USO1: variants seen among roughly 807,000 people sequenced by gnomAD.
USO1 encodes the protein general vesicular transport factor p115.
In USO1, 57 loss-of-function variants were observed where a neutral mutation model predicts 124.5. The ratio of observed to expected loss-of-function variants is 0.46; its 90% CI spans 0.37 to 0.57. USO1 has a LOEUF of 0.57. USO1 is among the 20% of genes least tolerant of loss of function. The pLI is 0.00. For missense variants in USO1, 900 were observed against 1,040.6 expected (o/e 0.86, Z 1.86); for synonymous variants, 369 against 362.8 (o/e 1.02, Z -0.19).
intron 17 of USO1, among the ~76,000 whole-genome samples, chr4:75,802,736 C>CTTTTTTTTTTTTT (rs997798305): frequency 2.8e-4 from 18 of 63,732 alleles, no homozygotes; most frequent in African/African-American, 7.9e-4. Flanking sequence ...TTTTTCTTTT[C>CTTTTTTTTTTTTT]TTTTTTTTTT....
At chr4:75,768,745 G>C (rs1332012088) in intron 4 of USO1, among the ~76,000 whole-genome samples, 1 of 152,174 alleles carries the variant, frequency 6.6e-6, no homozygotes, top group Non-Finnish European at 1.5e-5. Flanking sequence ...TCACCATTAA[G>C]TATGATGTTA....
chr4:75,743,550 A>C (rs1181862146), intron 1 of USO1, among the ~76,000 whole-genome samples: 1 of 151,974 alleles, frequency 6.6e-6, no homozygotes, highest in South Asian at 2.1e-4. Context: ...TCTCTTTGCC[A>C]TTATAGTTTC....
In USO1 at chr4:75,794,202, CT is replaced by C. The variant is rs534437533; in HGVS notation, c.1452+304del. On this transcript the variant is annotated intron_variant, in intron 13 of 23. Coordinates refer to ENST00000514213, the MANE Select transcript of USO1 (RefSeq NM_003715.4). ...CAGTGTTCTTGCATGTCATTTTTCT[CT>C]TTCTTCTCAGTAACTGAATTCAGGT... 1.1e-4 allele frequency among the ~76,000 whole-genome samples: 17 copies of C among 152,110 alleles called. No individual in the cohort carries two copies. In the East Asian group the frequency reaches 3.3e-3, roughly 29 times the overall value.
chr4:75,753,405 A>G (rs1721343838), intron 3 of USO1, among the ~76,000 whole-genome samples: 1 of 152,072 alleles, frequency 6.6e-6, no homozygotes, highest in Non-Finnish European at 1.5e-5. Context: ...CTGGTGGTGC[A>G]TGCCTGTAAT....
chr4:75,801,029 A>G (rs757789630), intron 16 of USO1, 50 bp from the exon 17 acceptor site: 22 of 1,449,980 alleles, frequency 1.5e-5, no homozygotes, highest in Non-Finnish European at 2.0e-5. Context: ...TAGTAGTAAA[A>G]TAGTATTTAA....
At chr4:75,756,359 T>C (rs1721442787) in intron 3 of USO1, among the ~76,000 whole-genome samples, 1 of 152,006 alleles carries the variant, frequency 6.6e-6, no homozygotes, top group Non-Finnish European at 1.5e-5. Context: ...TTATACATAC[T>C]TATAATCTTC....
At chr4:75,731,687 G>A (rs1720636830) in intron 1 of USO1, among the ~76,000 whole-genome samples, 2 of 152,118 alleles carry the variant, frequency 1.3e-5, no homozygotes, top group Non-Finnish European at 1.5e-5. Flanking sequence ...GTTTTAGGAA[G>A]GTACAACTAT....
intron 1 of USO1, among the ~76,000 whole-genome samples, chr4:75,742,506 T>C (rs1050580382): frequency 3.3e-5 from 5 of 152,250 alleles, no homozygotes; most frequent in African/African-American, 9.6e-5. Flanking sequence ...TGTTAACACT[T>C]TTCTATTCTG....
chr4:75,797,120 G>A (rs1478333764), intron 13 of USO1, among the ~76,000 whole-genome samples: 1 of 152,012 alleles, frequency 6.6e-6, no homozygotes, highest in Admixed American at 6.5e-5. Context: ...GCTGCAGTGA[G>A]CTATGATTGC....
intron 1 of USO1, chr4:75,725,099 C>A (rs576618431): frequency 1.0e-5 from 6 of 595,856 alleles, no homozygotes; most frequent in African/African-American, 9.5e-5. Context: ...GCCGGACTGA[C>A]GGCGGCCGCG....
Position 75,804,279 on chromosome 4 carries a change from A to G in USO1, c.2125+7A>G. On this transcript the variant is annotated splice_region_variant and intron_variant, in intron 18 of 23. Transcript: ENST00000514213. Reference sequence around the variant, plus strand: ...CTTCTTAAAATACAGCTAGGTAAGCATAGCTAAGCCATCACTATGATAGCA... The same window carrying G: ...CTTCTTAAAATACAGCTAGGTAAGCGTAGCTAAGCCATCACTATGATAGCA... The G allele has an allele frequency of 6.2e-7, 1 of 1,608,672 alleles. No individual in the cohort carries two copies. Among genetic ancestry groups the G allele is most frequent in the Non-Finnish European group, 8.5e-7 (1 of 1,177,478 alleles).
intron 13 of USO1, among the ~76,000 whole-genome samples, chr4:75,796,234 C>T (rs1234915151): frequency 6.6e-6 from 1 of 151,800 alleles, no homozygotes; most frequent in Non-Finnish European, 1.5e-5. Context: ...ATGCACAGAC[C>T]TTCTGTGTTT....
chr4:75,807,698 G>T (rs1034448271), intron 20 of USO1, among the ~76,000 whole-genome samples: 6 of 152,034 alleles, frequency 3.9e-5, no homozygotes, highest in African/African-American at 7.2e-5. Flanking sequence ...ACCTATACTA[G>T]AACTGTATTA....
At chr4:75,767,779 A>G (rs945085091) in intron 4 of USO1, among the ~76,000 whole-genome samples, 21 of 152,200 alleles carry the variant, frequency 1.4e-4, no homozygotes, top group Admixed American at 1.3e-3. Flanking sequence ...TCTTGAAATT[A>G]TGTAGTGTTA....
At chr4:75,784,470 A>G (rs1437738769) in intron 9 of USO1, among the ~76,000 whole-genome samples, 1 of 152,212 alleles carries the variant, frequency 6.6e-6, no homozygotes, top group South Asian at 2.1e-4. Context: ...CACATGTTTT[A>G]TGGTTTAGGG....
At chr4:75,740,163 ATC>A (rs1166435586) in intron 1 of USO1, among the ~76,000 whole-genome samples, 1 of 152,206 alleles carries the variant, frequency 6.6e-6, no homozygotes, top group East Asian at 1.9e-4. Flanking sequence ...GTGACACCTC[ATC>A]TCTAAAAAAA....
In USO1 at chr4:75,746,585, T is replaced by C. The variant is rs546068295; in HGVS notation, c.67-5788T>C. 2.6e-5 allele frequency among the ~76,000 whole-genome samples: 4 copies of C among 152,370 alleles called. No homozygotes were observed. The South Asian group carries it at 8.3e-4, about 32-fold the overall frequency. On this transcript the variant is annotated intron_variant, in intron 1 of 23. Transcript: ENST00000514213. The stretch of plus-strand genomic sequence containing the variant: ...AGACTAAAACATGACTAGGTCTTTG[T>C]AGGGTTTGGAACATAAGTAATATGT...
intron 4 of USO1, among the ~76,000 whole-genome samples, 179 bp downstream of exon 4, chr4:75,757,752 C>A (rs1248090271): frequency 6.6e-6 from 1 of 151,996 alleles, no homozygotes; most frequent in African/African-American, 2.4e-5. Flanking sequence ...AGGATGATTG[C>A]TTTGTGTGTA....
chr4:75,788,062 T>A (rs998706034), intron 10 of USO1, among the ~76,000 whole-genome samples: 4 of 152,048 alleles, frequency 2.6e-5, no homozygotes, highest in South Asian at 2.1e-4. Flanking sequence ...TCCCCATGTC[T>A]CTTGTCCTGG....
Sources: gnomAD v4.1 joint callset for allele counts (sites outside exome capture counted in the v4.1 genomes callset) on GRCh38, gnomAD v4.1.1 for gene constraint, MANE v1.5 for transcripts, NCBI Gene and HGNC (gene_info 2026-07-23, HGNC 2026-07-21) for gene names.